The following TRHDE variants were observed in gnomAD, a reference collection of about 807,000 sequenced individuals.
The protein encoded by TRHDE is thyrotropin-releasing hormone-degrading ectoenzyme.
Under a neutral mutation model 125.7 loss-of-function variants are expected in TRHDE, and 72 were observed. That is an observed-to-expected ratio of 0.57 (90% CI 0.47 to 0.70). The LOEUF is 0.70. Ranked by LOEUF, TRHDE falls within the 30% of genes least tolerant of loss-of-function variation. The pLI is 0.00. For synonymous variants in TRHDE, 509 were observed against 509.1 expected (o/e 1.00, Z 0.00); for missense variants, 1,110 against 1,327.1 (o/e 0.84, Z 2.54).
At chr12:72,480,441 T>C (rs771181766) in intron 5 of TRHDE, among the ~76,000 whole-genome samples, 76 of 152,204 alleles carry the variant, frequency 5.0e-4, no homozygotes, top group Non-Finnish European at 1.0e-3. Context: ...TAAAGGATGA[T>C]TGTTAAAGCA....
At chr12:72,239,500 T>G (rs1310541720) in intron 2 of TRHDE, among the ~76,000 whole-genome samples, 1 of 152,188 alleles carries the variant, frequency 6.6e-6, no homozygotes, top group Non-Finnish European at 1.5e-5. Flanking sequence ...GGTTTTCTTC[T>G]AGGATTCTTA....
At chr12:72,136,715 G>A (rs574289522) in intron 2 of TRHDE, among the ~76,000 whole-genome samples, 12 of 152,220 alleles carry the variant, frequency 7.9e-5, no homozygotes, top group Non-Finnish European at 1.8e-4. Flanking sequence ...AGGGGAATAT[G>A]GAGCTGACAA....
At chr12:72,653,452 A>G (rs1874587868) in intron 17 of TRHDE, among the ~76,000 whole-genome samples, 1 of 152,134 alleles carries the variant, frequency 6.6e-6, no homozygotes, top group South Asian at 2.1e-4. Context: ...AAGACACTGT[A>G]TCATAAAACC....
Position 72,442,458 on chromosome 12 carries a change from G to T in TRHDE, c.1316-27300G>T, listed in dbSNP as rs148998117. On this transcript the variant is annotated intron_variant, in intron 3 of 18. Coordinates refer to ENST00000261180, the MANE Select transcript of TRHDE (RefSeq NM_013381.3). The stretch of plus-strand genomic sequence containing the variant: ...CAGTCCTTTGAAACTACCTGGCAAA[G>T]GCAGATTGGCCAAATCCAATAAACA... Among the ~76,000 whole-genome samples, 625 of 151,834 alleles carry T rather than the reference G, an allele frequency of 4.1e-3. 6 individuals carry two copies. Among genetic ancestry groups the T allele is most frequent in the Non-Finnish European group, 4.4e-3 (298 of 67,834 alleles).
intron 2 of TRHDE, among the ~76,000 whole-genome samples, chr12:72,350,938 C>T (rs551373034): frequency 1.3e-5 from 2 of 151,990 alleles, no homozygotes; most frequent in East Asian, 3.9e-4. Flanking sequence ...TAAAAGAATC[C>T]AAACCTAGCC....
intron 7 of TRHDE, chr12:72,560,588 A>G (rs545212165): frequency 6.6e-6 from 1 of 152,246 alleles, no homozygotes; most frequent in East Asian, 1.9e-4. Context: ...TTGGCAGGCC[A>G]TGGAGGGAGA....
chr12:72,377,960 A>G (rs763828213), intron 2 of TRHDE, 35 bp from the exon 3 acceptor site: 1 of 1,475,006 alleles, frequency 6.8e-7, no homozygotes, highest in South Asian at 1.3e-5. Context: ...AAGTGCTAAA[A>G]GGCTAAAGTA....
chr12:72,224,213 T>A (rs930398881), intron 2 of TRHDE, among the ~76,000 whole-genome samples: 4 of 149,858 alleles, frequency 2.7e-5, no homozygotes, highest in Non-Finnish European at 5.9e-5. Flanking sequence ...TATCTATCTA[T>A]CATCTATCTA....
chr12:72,360,558 T>A (rs1022018563), intron 2 of TRHDE, among the ~76,000 whole-genome samples: 1 of 151,734 alleles, frequency 6.6e-6, no homozygotes, highest in Non-Finnish European at 1.5e-5. Context: ...TTCATACCCA[T>A]TGTTTAACAA....
chr12:72,653,053 G>C lies in TRHDE; in HGVS notation c.2881G>C (p.Asp961His). ...NLSLNSEVVL[D>H]QDAIDVIIHV... ...GTCACTGAATTCTGAGGTGGTGCTG[G>C]ATCAAGATGCAATTGATGTCATAAT... Residue 961 changes from aspartate to histidine, a missense_variant, in exon 17 of 19, where the codon GAT becomes CAT. By Grantham distance (81) the Asp-to-His change is moderately conservative. Around this residue, in one of 5 missense-constraint regions of TRHDE, gnomAD observed 527 missense variants for 651.8 expected, o/e 0.81. Coordinates refer to ENST00000261180, the MANE Select transcript of TRHDE (RefSeq NM_013381.3). The C allele has an allele frequency of 6.2e-7, 1 of 1,606,220 alleles. No homozygotes were observed. The highest frequency in any genetic ancestry group is 8.5e-7 in the Non-Finnish European group (1 of 1,175,488).
chr12:72,364,325 A>G (rs916312828), intron 2 of TRHDE, among the ~76,000 whole-genome samples: 2 of 152,086 alleles, frequency 1.3e-5, no homozygotes, highest in Admixed American at 6.6e-5. Flanking sequence ...CGTGTTACTT[A>G]CATCCTCACT....
At chr12:72,618,412 A>G (rs1450937497) in intron 12 of TRHDE, among the ~76,000 whole-genome samples, 2 of 152,178 alleles carry the variant, frequency 1.3e-5, no homozygotes, top group Non-Finnish European at 2.9e-5. Flanking sequence ...CTAATATTGT[A>G]ATCTAACAAA....
chr12:72,663,322 T>A lies in TRHDE; in HGVS notation c.*127T>A. The A allele has an allele frequency of 1.5e-6, 1 of 655,344 alleles. No individual in the cohort carries two copies. Among genetic ancestry groups the A allele is most frequent in the Non-Finnish European group, 2.3e-6 (1 of 438,252 alleles). The allele number at this position is 655,344 out of a possible 1,614,324, so 40.6% of individuals were successfully genotyped here. On this transcript the variant is annotated 3_prime_UTR_variant, in exon 19 of 19. Coordinates refer to ENST00000261180, the MANE Select transcript of TRHDE (RefSeq NM_013381.3). ...TCAGTGTTAACGTGTGGGAGGAATT[T>A]TTTTTTTAGTTTTTATTTTTTGGTT... is the stretch of plus-strand genomic sequence containing the variant.
At chr12:72,386,228 A>AT (rs1468835891) in intron 3 of TRHDE, among the ~76,000 whole-genome samples, 3 of 152,326 alleles carry the variant, frequency 2.0e-5, no homozygotes, top group Non-Finnish European at 4.4e-5. Flanking sequence ...ATCAGGGTGT[A>AT]TTTTAAAGAG....
At chr12:72,592,481 C>T (rs181606055) in intron 12 of TRHDE, among the ~76,000 whole-genome samples, 34 of 151,680 alleles carry the variant, frequency 2.2e-4, no homozygotes, top group Middle Eastern at 3.4e-3. Flanking sequence ...AATGTATGTT[C>T]TATTATTTTG....
chr12:72,102,681 A>C (rs996460169), intron 1 of TRHDE, among the ~76,000 whole-genome samples: 6 of 152,224 alleles, frequency 3.9e-5, no homozygotes, highest in Non-Finnish European at 7.3e-5. Context: ...AACTCTGGGG[A>C]ATCACTGACA....
chr12:72,125,788 G>A (rs1275753679), intron 2 of TRHDE, among the ~76,000 whole-genome samples: 1 of 152,114 alleles, frequency 6.6e-6, no homozygotes, highest in African/African-American at 2.4e-5. Context: ...CAATATAAAA[G>A]TGATCCCTGA....
chr12:72,447,293 A>G (rs1875340177), intron 3 of TRHDE, among the ~76,000 whole-genome samples: 1 of 152,172 alleles, frequency 6.6e-6, no homozygotes, highest in East Asian at 1.9e-4. Flanking sequence ...ATGAAGGCAG[A>G]AATAAAGATG....
intron 6 of TRHDE, among the ~76,000 whole-genome samples, chr12:72,530,224 CTT>C (rs1446685554): frequency 2.0e-5 from 3 of 152,146 alleles, no homozygotes; most frequent in Non-Finnish European, 2.9e-5. Context: ...TGATTTCTCT[CTT>C]CTCTTTTTCT....
Sources: allele counts gnomAD v4.1 joint callset (sites outside exome capture counted in the v4.1 genomes callset), GRCh38; gene constraint gnomAD v4.1.1; regional missense constraint gnomAD v4.1.1; transcripts MANE v1.5; gene names NCBI Gene and HGNC (gene_info 2026-07-23, HGNC 2026-07-21).